CAST: variants seen among roughly 807,000 people sequenced by gnomAD.
CAST encodes calpastatin.
A neutral mutation model predicts 119.6 loss-of-function variants in CAST; 76 were observed. That is an observed-to-expected ratio of 0.64 (90% CI 0.53 to 0.77). The LOEUF (loss-of-function observed/expected upper bound fraction) is 0.77, where lower values mean the gene tolerates loss of function less well. Among genes scored for constraint, CAST ranks in the 30% least tolerant of loss-of-function variants. The pLI is 0.00. For synonymous variants in CAST, 319 were observed against 331.6 expected (o/e 0.96, Z 0.41); for missense variants, 953 against 946.5 (o/e 1.01, Z -0.09).
At chr5:96,496,471 T>C in the CAST span, among the ~76,000 whole-genome samples, 1 of 152,204 alleles carries the variant, frequency 6.6e-6, no homozygotes, top group African/African-American at 2.4e-5. Context: ...ACATTAACAG[T>C]TCCTGAAGTT....
chr5:96,575,620 T>A (rs1329545648), intron 1 of CAST, among the ~76,000 whole-genome samples: 1 of 152,020 alleles, frequency 6.6e-6, no homozygotes, highest in East Asian at 1.9e-4. Flanking sequence ...TTGGATTTTT[T>A]CAAATGCTTT....
At chr5:96,702,748 A>AGG in intron 3 of CAST, 3 of 984,768 alleles carry the variant, frequency 3.0e-6, no homozygotes, top group Non-Finnish European at 3.6e-6. Context: ...GCCGCCGGGC[A>AGG]GGGGGGCGGG....
At chr5:96,445,398 G>T in the CAST span, among the ~76,000 whole-genome samples, 1 of 152,144 alleles carries the variant, frequency 6.6e-6, no homozygotes, top group African/African-American at 2.4e-5. Context: ...GAAAGAAAAA[G>T]AAAGGCTTTA....
the CAST span, chr5:96,426,073 C>G: frequency 1.5e-6 from 1 of 681,092 alleles, no homozygotes; most frequent in Non-Finnish European, 2.7e-6. Flanking sequence ...ACTGGCACCT[C>G]AGTGAGAAGA....
the CAST span, among the ~76,000 whole-genome samples, chr5:96,498,682 T>C: frequency 6.6e-6 from 1 of 152,216 alleles, no homozygotes; most frequent in Non-Finnish European, 1.5e-5. Context: ...AATAATTATC[T>C]TGTTAACTAG....
chr5:96,197,904 G>A, the CAST span, among the ~76,000 whole-genome samples: 1 of 152,124 alleles, frequency 6.6e-6, no homozygotes, highest in Admixed American at 6.6e-5. Context: ...GACCACAGGT[G>A]TGCACCACCA....
At chr5:96,313,994 C>T in the CAST span, among the ~76,000 whole-genome samples, 1 of 152,192 alleles carries the variant, frequency 6.6e-6, no homozygotes, top group Non-Finnish European at 1.5e-5. Context: ...GACCACTGAA[C>T]TATCATTAAT....
At chr5:95,980,523 G>A in the CAST span, 1 of 152,110 alleles carries the variant, frequency 6.6e-6, no homozygotes, top group Non-Finnish European at 1.5e-5. Flanking sequence ...AAAATGTGGA[G>A]CCTCCTATTT....
chr5:96,069,655 C>CTTTTTTT, the CAST span, among the ~76,000 whole-genome samples: 25 of 78,398 alleles, frequency 3.2e-4, no homozygotes, highest in South Asian at 1.1e-3. Flanking sequence ...GGTAATTAAA[C>CTTTTTTT]TTTTTTTTTT....
chr5:96,635,597 A>C (rs1264106939), intron 1 of CAST, among the ~76,000 whole-genome samples: 1 of 152,208 alleles, frequency 6.6e-6, no homozygotes, highest in Non-Finnish European at 1.5e-5. Flanking sequence ...CAACATTCGC[A>C]TCAGAAAATC....
the CAST span, among the ~76,000 whole-genome samples, chr5:96,343,863 A>G: frequency 6.6e-6 from 1 of 152,204 alleles, no homozygotes; most frequent in Admixed American, 6.6e-5. Flanking sequence ...GCTCTACTGC[A>G]CTATATGATT....
At chr5:96,609,443 C>T (rs1747320039) in intron 1 of CAST, among the ~76,000 whole-genome samples, 1 of 152,134 alleles carries the variant, frequency 6.6e-6, no homozygotes. Flanking sequence ...GTACACAAAT[C>T]ACTAATAATC....
At chr5:96,436,221 C>T in the CAST span, among the ~76,000 whole-genome samples, 1 of 152,106 alleles carries the variant, frequency 6.6e-6, no homozygotes, top group Non-Finnish European at 1.5e-5. Flanking sequence ...AGGGGCAAAC[C>T]TACCTATAGC....
At chr5:96,772,087 A>AT (rs1424867661) in intron 31 of CAST, 1 of 156,914 alleles carries the variant, frequency 6.4e-6, no homozygotes, top group East Asian at 1.9e-4. Flanking sequence ...ATTCCCCAGA[A>AT]TACCAATACA....
At chr5:96,534,017 T>G (rs1745738389) in intron 1 of CAST, among the ~76,000 whole-genome samples, 1 of 152,204 alleles carries the variant, frequency 6.6e-6, no homozygotes, top group African/African-American at 2.4e-5. Flanking sequence ...GTGTATATTG[T>G]CAATGATAAA....
chr5:96,076,741 A>G, the CAST span, among the ~76,000 whole-genome samples: 1 of 152,120 alleles, frequency 6.6e-6, no homozygotes, highest in Non-Finnish European at 1.5e-5. Context: ...ATCAAGCTCA[A>G]TGATTGAAAT....
At chr5:96,037,981 T>C in the CAST span, among the ~76,000 whole-genome samples, 3 of 152,178 alleles carry the variant, frequency 2.0e-5, no homozygotes, top group Non-Finnish European at 4.4e-5. Flanking sequence ...AATGTTACAG[T>C]GTAACTGTGG....
chr5:96,300,577 A>ATT, the CAST span, among the ~76,000 whole-genome samples: 2 of 146,708 alleles, frequency 1.4e-5, no homozygotes, highest in African/African-American at 2.5e-5. Flanking sequence ...TGCCTTTGCT[A>ATT]TTTTTTTTTT....
chr5:96,131,010 A>C, the CAST span, among the ~76,000 whole-genome samples: 1 of 152,138 alleles, frequency 6.6e-6, no homozygotes, highest in Non-Finnish European at 1.5e-5. Context: ...TTATCTAGCA[A>C]TTGTAGTTTC....
Sources: allele counts gnomAD v4.1 joint callset (sites outside exome capture counted in the v4.1 genomes callset), GRCh38; gene constraint gnomAD v4.1.1; transcripts MANE v1.5; gene names NCBI Gene and HGNC (gene_info 2026-07-23, HGNC 2026-07-21).